Variants in ZNF423 observed in about 807,000 individuals in gnomAD.
ZNF423 encodes the protein Ebf-associated zinc finger protein.
ZNF423 carries 12 observed loss-of-function variants against 95.8 expected under a neutral mutation model. The observed-to-expected ratio is 0.13, with a 90% CI of 0.08 to 0.20. The LOEUF is 0.20. ZNF423 is among the 10% of genes least tolerant of loss of function. The pLI is 1.00. For synonymous variants in ZNF423, 749 were observed against 711.9 expected (o/e 1.05, Z -0.83); for missense variants, 1,316 against 1,737.1 (o/e 0.76, Z 4.31).
At chr16:49,851,229 G>A (rs1320497065) in intron 1 of ZNF423, among the ~76,000 whole-genome samples, 6 of 152,266 alleles carry the variant, frequency 3.9e-5, no homozygotes, top group African/African-American at 1.4e-4. Flanking sequence ...TGAAAGAAGA[G>A]GGAACTGGTC....
intron 5 of ZNF423, among the ~76,000 whole-genome samples, chr16:49,567,108 C>G (rs1296144266): frequency 6.6e-6 from 1 of 152,106 alleles, no homozygotes; most frequent in African/African-American, 2.4e-5. Flanking sequence ...CCTGTGTGGA[C>G]AAATAAGGAA....
At chr16:49,553,757 AGAT>A (rs1339319653) in intron 5 of ZNF423, among the ~76,000 whole-genome samples, 15 of 152,308 alleles carry the variant, frequency 9.8e-5, no homozygotes, top group African/African-American at 2.6e-4. Context: ...TTAGTAGATT[AGAT>A]GATAATTTTA....
At chr16:49,792,035 T>C (rs2034424544) in intron 1 of ZNF423, among the ~76,000 whole-genome samples, 1 of 148,234 alleles carries the variant, frequency 6.7e-6, no homozygotes, top group Admixed American at 6.8e-5. Context: ...AGAAAGTGGA[T>C]CGGTGGTTGC....
intron 1 of ZNF423, among the ~76,000 whole-genome samples, chr16:49,809,065 G>A (rs771111423): frequency 2.0e-5 from 3 of 152,218 alleles, no homozygotes; most frequent in East Asian, 1.9e-4. Flanking sequence ...AGCCCTGCAC[G>A]GCCCCACACT....
chr16:49,846,184 C>T (rs906721787), intron 1 of ZNF423, among the ~76,000 whole-genome samples: 1 of 151,870 alleles, frequency 6.6e-6, no homozygotes, highest in African/African-American at 2.4e-5. Context: ...TGCCTGTAAT[C>T]CCAGCTACTC....
At chr16:49,786,262 A>G (rs1324983559) in intron 2 of ZNF423, among the ~76,000 whole-genome samples, 4 of 152,234 alleles carry the variant, frequency 2.6e-5, no homozygotes, top group Non-Finnish European at 5.9e-5. Context: ...CGGAAGGAGC[A>G]AGCCTGGTTG....
At chr16:49,540,880 T>C (rs1409984633) in intron 5 of ZNF423, among the ~76,000 whole-genome samples, 5 of 152,158 alleles carry the variant, frequency 3.3e-5, no homozygotes, top group South Asian at 2.1e-4. Flanking sequence ...CAAGACACCA[T>C]GGAGAGGGCT....
At chr16:49,797,835 T>A (rs1240086704) in intron 1 of ZNF423, among the ~76,000 whole-genome samples, 1 of 152,192 alleles carries the variant, frequency 6.6e-6, no homozygotes, top group African/African-American at 2.4e-5. Flanking sequence ...TGGCTCTGTC[T>A]CATGGGTCTC....
In ZNF423 at chr16:49,855,618, T is replaced by C; in HGVS notation, c.40+117A>G. On this transcript the variant is annotated intron_variant, in intron 1 of 7. Transcript: ENST00000563137. The surrounding 1 kb of genome is among the most constrained non-coding windows in gnomAD (Gnocchi z 4.7). ...CGCCTCCTCTGCCGCCTCCTCCTCCTCCTCTCGGCTCGCTCGCGCGGGTCC... is the reference window on the plus strand; with the variant it reads ...CGCCTCCTCTGCCGCCTCCTCCTCCCCCTCTCGGCTCGCTCGCGCGGGTCC... 2 of 166,238 alleles carry C rather than the reference T, an allele frequency of 1.2e-5. No homozygotes were observed. Among genetic ancestry groups the C allele is most frequent in the Non-Finnish European group, 2.5e-5 (2 of 78,764 alleles). The allele number at this position is 166,238 out of a possible 1,614,324, so 10.3% of individuals were successfully genotyped here.
intron 3 of ZNF423, among the ~76,000 whole-genome samples, chr16:49,668,706 C>T (rs917575535): frequency 2.0e-5 from 3 of 152,130 alleles, no homozygotes; most frequent in African/African-American, 4.8e-5. Flanking sequence ...AACCCACTAA[C>T]GCTGCAGACC....
intron 5 of ZNF423, among the ~76,000 whole-genome samples, chr16:49,559,050 C>T (rs1033970011): frequency 6.6e-6 from 1 of 152,204 alleles, no homozygotes; most frequent in Non-Finnish European, 1.5e-5. Flanking sequence ...CCAGGCTTGC[C>T]CCAGGCATGG....
At chr16:49,611,202 C>T (rs1971709149) in intron 5 of ZNF423, among the ~76,000 whole-genome samples, 2 of 152,018 alleles carry the variant, frequency 1.3e-5, no homozygotes, top group Admixed American at 6.6e-5. Context: ...ACAGAATGCA[C>T]ATTTTTTCAA....
At chr16:49,615,567 C>T (rs1396735584) in intron 5 of ZNF423, among the ~76,000 whole-genome samples, 1 of 152,112 alleles carries the variant, frequency 6.6e-6, no homozygotes, top group Non-Finnish European at 1.5e-5. Context: ...ATGGTGGGGG[C>T]AGAGGGCAGT....
intron 5 of ZNF423, among the ~76,000 whole-genome samples, chr16:49,587,894 T>C (rs892188440): frequency 3.3e-5 from 5 of 152,300 alleles, no homozygotes; most frequent in Non-Finnish European, 7.3e-5. Context: ...CTCTCCTCTT[T>C]CAAACTTCCA....
rs139124427 is a variant in ZNF423, at chr16:49,852,107, A to G, written c.40+3628T>C. On this transcript the variant is annotated intron_variant, in intron 1 of 7. Coordinates refer to ENST00000563137, the MANE Select transcript of ZNF423 (RefSeq NM_001379286.1). The stretch of plus-strand genomic sequence containing the variant: ...TTACATCTCAATTATTTCCATGGAA[A>G]CACGCGCAGTGTTCCCAAGTCCCTA... Among the ~76,000 whole-genome samples, 35 of 152,244 alleles carry G rather than the reference A, an allele frequency of 2.3e-4. No individual in the cohort carries two copies. In the East Asian group the frequency reaches 6.2e-3, roughly 27 times the overall value.
intron 7 of ZNF423, among the ~76,000 whole-genome samples, chr16:49,515,887 C>G (rs977437643): frequency 6.6e-6 from 1 of 152,170 alleles, no homozygotes; most frequent in African/African-American, 2.4e-5. Context: ...GGCTGGTGGG[C>G]AGAGGCGACC....
At chr16:49,852,651 G>A (rs1339551835) in intron 1 of ZNF423, among the ~76,000 whole-genome samples, 10 of 152,080 alleles carry the variant, frequency 6.6e-5, no homozygotes, top group Non-Finnish European at 1.5e-4. Flanking sequence ...AAAGGTGTAG[G>A]GAGGGAAAAT....
At chr16:49,767,947 G>C (rs752049840) in intron 2 of ZNF423, among the ~76,000 whole-genome samples, 1 of 152,210 alleles carries the variant, frequency 6.6e-6, no homozygotes, top group Non-Finnish European at 1.5e-5. Flanking sequence ...AACAGAAACC[G>C]TGTTGCCAAA....
chr16:49,737,273 C>CTT (rs111245304), intron 2 of ZNF423, among the ~76,000 whole-genome samples: 3 of 144,072 alleles, frequency 2.1e-5, no homozygotes, highest in African/African-American at 7.6e-5. Context: ...GATCCTGACT[C>CTT]TTTTTTTTTT....
Sources: allele counts gnomAD v4.1 joint callset (sites outside exome capture counted in the v4.1 genomes callset), GRCh38; gene constraint gnomAD v4.1.1; non-coding constraint Gnocchi (gnomAD v3.1); transcripts MANE v1.5; gene names NCBI Gene and HGNC (gene_info 2026-07-23, HGNC 2026-07-21).